Variants in AGAP1 observed in about 807,000 individuals in gnomAD.
AGAP1 encodes the protein arf-GAP with GTPase, ANK repeat and PH domain-containing protein 1.
Under a neutral mutation model 105.3 loss-of-function variants are expected in AGAP1, and 29 were observed. That is an observed-to-expected ratio of 0.28 (90% CI 0.21 to 0.38). The LOEUF is 0.38. Among genes scored for constraint, AGAP1 ranks in the 10% least tolerant of loss-of-function variants. AGAP1 has a pLI of 1.00. For synonymous variants in AGAP1, 509 were observed against 485.9 expected, an observed-to-expected ratio of 1.05 and a Z score of -0.63; for missense variants, 998 against 1,165.1, an observed-to-expected ratio of 0.86 and a Z score of 2.09.
Position 235,893,350 on chromosome 2 carries a change from TGGGTGTGCCGTGTCCATCATAG to T in AGAP1, c.1155+9910_1155+9931del, listed in dbSNP as rs2050640866. 6.9e-6 allele frequency among the ~76,000 whole-genome samples: 1 copy of T among 145,922 alleles called. No homozygotes were observed. The highest frequency in any genetic ancestry group is 6.8e-5 in the Admixed American group (1 of 14,748). ...GCATGGGTGTGGCTTGTCTGTGGTG[TGGGTGTGCCGTGTCCATCATAG>T]GGGTGTGCTGTGTCTGTGGCGTGGG... On this transcript the variant is annotated intron_variant, in intron 10 of 17. Coordinates refer to ENST00000304032, the MANE Select transcript of AGAP1 (RefSeq NM_001037131.3). This position sits in a 1 kb window ranked among gnomAD's most constrained non-coding sequence, Gnocchi z 4.7.
intron 1 of AGAP1, among the ~76,000 whole-genome samples, chr2:235,684,265 C>A (rs138374837): frequency 6.6e-6 from 1 of 152,004 alleles, no homozygotes; most frequent in Non-Finnish European, 1.5e-5. Flanking sequence ...AGGATGGTCT[C>A]GATCTCCTGA....
rs2056845417 is a variant in AGAP1 at position 236,020,387 on chromosome 2, A to G, written c.1646-16174A>G. ...CCATGAAGCATAGGGGGGAATTTAG[A>G]AATGAAACTTAACCTGTTATCTAGA... On this transcript the variant is annotated intron_variant, in intron 13 of 17. Transcript: ENST00000304032. The surrounding 1 kb of genome is among the most constrained non-coding windows in gnomAD (Gnocchi z 5.0). Among the ~76,000 whole-genome samples, 1 of 152,212 alleles carries G rather than the reference A, an allele frequency of 6.6e-6. No homozygotes were observed. Among genetic ancestry groups the G allele is most frequent in the East Asian group, 1.9e-4 (1 of 5,194 alleles).
chr2:235,773,595 T>C (rs1215858774), intron 6 of AGAP1, among the ~76,000 whole-genome samples: 1 of 152,204 alleles, frequency 6.6e-6, no homozygotes, highest in African/African-American at 2.4e-5. Flanking sequence ...GAAGTCAGCG[T>C]GAATCGGCCT....
Position 235,807,293 on chromosome 2 carries a change from G to T in AGAP1, c.1012G>T (p.Asp338Tyr). ...GAAGAAAGGCCTGGAGAGTCGTGCG[G>T]ACAGCATTGGGAGCGGCCGAGCCAT... is the stretch of plus-strand genomic sequence containing the variant. ...KEKKGLESRA[D>Y]SIGSGRAIPI... Residue 338 changes from aspartate to tyrosine, a missense_variant, in exon 9 of 18, where the codon GAC (aspartate) becomes TAC (tyrosine). This residue lies in a region of AGAP1 where 735 missense variants were observed against 833.4 expected (regional missense o/e 0.88). Coordinates refer to ENST00000304032, the MANE Select transcript of AGAP1 (RefSeq NM_001037131.3). 1 of 1,605,458 alleles carries T rather than the reference G, an allele frequency of 6.2e-7. No homozygotes were observed. The highest frequency in any genetic ancestry group is 8.5e-7 in the Non-Finnish European group (1 of 1,177,792).
At chr2:235,797,998 A>G (rs989657526) in intron 7 of AGAP1, 112 bp downstream of exon 7, 176 of 1,334,400 alleles carry the variant, frequency 1.3e-4, no homozygotes, top group Non-Finnish European at 2.7e-5. Context: ...TTTATAAGTA[A>G]CAGCATGTTG....
intron 1 of AGAP1, among the ~76,000 whole-genome samples, chr2:235,619,309 A>C (rs190269976): frequency 1.0e-3 from 152 of 152,144 alleles, no homozygotes; most frequent in Non-Finnish European, 1.3e-3. Flanking sequence ...CCGAGTTCAC[A>C]TCATGAAGTG....
In AGAP1 at chr2:235,971,698, A is replaced by G. The variant is rs1476325105; in HGVS notation, c.1645+3075A>G. On this transcript the variant is annotated intron_variant, in intron 13 of 17. Coordinates refer to ENST00000304032, the MANE Select transcript of AGAP1 (RefSeq NM_001037131.3). This position sits in a 1 kb window ranked among gnomAD's most constrained non-coding sequence, Gnocchi z 4.8. ...GAGTGAGACTCCGTCTCAAAAAAAA[A>G]AAAAATCTGTTCTTGAAACTAAAGC... 6.6e-6 allele frequency among the ~76,000 whole-genome samples: 1 copy of G among 151,810 alleles called. No individual in the cohort carries two copies. Among genetic ancestry groups the G allele is most frequent in the Non-Finnish European group, 1.5e-5 (1 of 67,970 alleles).
rs1167136293 is a variant in AGAP1 at position 235,689,905 on chromosome 2, A to G, written c.164-19274A>G. On this transcript the variant is annotated intron_variant, in intron 1 of 17. Transcript: ENST00000304032. This position sits in a 1 kb window ranked among gnomAD's most constrained non-coding sequence, Gnocchi z 4.2. Reference sequence around the variant, plus strand: ...GTGCATGATGCACTTCAGAACCTATAGTGTCATTTGTGGTATTTTTTTTTT... The same window carrying G: ...GTGCATGATGCACTTCAGAACCTATGGTGTCATTTGTGGTATTTTTTTTTT... Among the ~76,000 whole-genome samples, 3 of 151,860 alleles carry G rather than the reference A, an allele frequency of 2.0e-5. No homozygotes were observed. Among genetic ancestry groups the G allele is most frequent in the Non-Finnish European group, 4.4e-5 (3 of 68,006 alleles).
chr2:235,808,175 T>C (rs1957940961), intron 9 of AGAP1, among the ~76,000 whole-genome samples: 1 of 152,340 alleles, frequency 6.6e-6, no homozygotes, highest in East Asian at 1.9e-4. Context: ...AGAAAGCCAA[T>C]TGATTTAGAG....
chr2:236,109,633 G>A lies in AGAP1; in HGVS notation c.2115-10559G>A, dbSNP rs115335196. On this transcript the variant is annotated intron_variant, in intron 16 of 17. Transcript: ENST00000304032. This position sits in a 1 kb window ranked among gnomAD's most constrained non-coding sequence, Gnocchi z 5.4. ...GGCAGCAGTGTCGGTGTTCTAGACC[G>A]GCAGCCGTGGGAACGTCCTAGTCGG... is the stretch of plus-strand genomic sequence containing the variant. Among the ~76,000 whole-genome samples the A allele has an allele frequency of 8.6e-4, 130 of 150,770 alleles. No homozygotes were observed. Among genetic ancestry groups the A allele is most frequent in the African/African-American group, 2.9e-3 (120 of 41,100 alleles).
chr2:235,545,837 A>G (rs1217277092), intron 1 of AGAP1, among the ~76,000 whole-genome samples: 1 of 152,184 alleles, frequency 6.6e-6, no homozygotes, highest in Non-Finnish European at 1.5e-5. Flanking sequence ...CAGGACCACC[A>G]TCCACACACC....
chr2:235,999,525 GTGA>G (rs1274374361), intron 13 of AGAP1, among the ~76,000 whole-genome samples: 70 of 150,568 alleles, frequency 4.6e-4, no homozygotes, highest in African/African-American at 1.4e-3. Context: ...GGTGGTGGTG[GTGA>G]TGATGATGAT....
rs1208883164 is a variant in AGAP1 at position 235,887,984 on chromosome 2, C to G, written c.1155+4535C>G. 6.6e-6 allele frequency among the ~76,000 whole-genome samples: 1 copy of G among 152,202 alleles called. No individual in the cohort carries two copies. Among genetic ancestry groups the G allele is most frequent in the Non-Finnish European group, 1.5e-5 (1 of 68,040 alleles). On this transcript the variant is annotated intron_variant, in intron 10 of 17. Coordinates refer to ENST00000304032, the MANE Select transcript of AGAP1 (RefSeq NM_001037131.3). This position sits in a 1 kb window ranked among gnomAD's most constrained non-coding sequence, Gnocchi z 4.1. Reference sequence around the variant, plus strand: ...GCGCTTGCTCGTGGTGGTGAGGCCTCTCCCTTCCGGCACAGACATTTATCT... The same window carrying G: ...GCGCTTGCTCGTGGTGGTGAGGCCTGTCCCTTCCGGCACAGACATTTATCT...
Position 235,586,709 on chromosome 2 carries a change from G to A in AGAP1, c.163+91860G>A, listed in dbSNP as rs1303588224. 6.6e-6 allele frequency among the ~76,000 whole-genome samples: 1 copy of A among 152,208 alleles called. No homozygotes were observed. Among genetic ancestry groups the A allele is most frequent in the Non-Finnish European group, 1.5e-5 (1 of 68,042 alleles). On this transcript the variant is annotated intron_variant, in intron 1 of 17. Transcript: ENST00000304032. The surrounding 1 kb of genome is among the most constrained non-coding windows in gnomAD (Gnocchi z 4.2). ...CTGCCCCGTACAGTACGGCTTCTAT[G>A]TGTGAACAACACAGACCACTAAGAG... is the stretch of plus-strand genomic sequence containing the variant.
chr2:235,707,934 A>T (rs1344234090), intron 1 of AGAP1, among the ~76,000 whole-genome samples: 1 of 133,714 alleles, frequency 7.5e-6, no homozygotes, highest in African/African-American at 2.8e-5. Flanking sequence ...TGTGCTTCCC[A>T]ATCATGTGAC....
At chr2:235,896,446 G>A (rs2050810835) in intron 10 of AGAP1, among the ~76,000 whole-genome samples, 1 of 152,224 alleles carries the variant, frequency 6.6e-6, no homozygotes, top group African/African-American at 2.4e-5. Flanking sequence ...TGTAAAAACT[G>A]TAACATGGGA....
chr2:235,543,418 C>A (rs1450723907), intron 1 of AGAP1, among the ~76,000 whole-genome samples: 2 of 151,732 alleles, frequency 1.3e-5, no homozygotes, highest in African/African-American at 4.9e-5. Context: ...GGGCTGTGTC[C>A]CCGTGTACGG....
rs1444913267 is a variant in AGAP1 at position 236,068,756 on chromosome 2, C to T, written c.2114+19475C>T. On this transcript the variant is annotated intron_variant, in intron 16 of 17. Coordinates refer to ENST00000304032, the MANE Select transcript of AGAP1 (RefSeq NM_001037131.3). ...CAGAGCTTGCAGTGAGCCAAGATCG[C>T]GCCACTGCACTCCAGCCTGGGCGAC... Among the ~76,000 whole-genome samples, 21 of 143,322 alleles carry T rather than the reference C, an allele frequency of 1.5e-4. No individual in the cohort carries two copies. In the East Asian group the frequency reaches 3.7e-3, roughly 25 times the overall value. The allele number at this position is 143,322 out of a possible 152,430, so 94.0% of individuals were successfully genotyped here. A position where few individuals can be genotyped will look rare whatever the true frequency, so the allele number is the denominator to read the frequency against.
intron 9 of AGAP1, among the ~76,000 whole-genome samples, chr2:235,851,659 A>T (rs1415577735): frequency 6.6e-6 from 1 of 152,106 alleles, no homozygotes; most frequent in Non-Finnish European, 1.5e-5. Context: ...TGAACCCAGA[A>T]CACCCGGAAA....
Sources: gnomAD v4.1 joint callset for allele counts (sites outside exome capture counted in the v4.1 genomes callset) on GRCh38, gnomAD v4.1.1 for gene constraint, gnomAD v4.1.1 regional missense constraint, Gnocchi (gnomAD v3.1) non-coding constraint, MANE v1.5 for transcripts, NCBI Gene and HGNC (gene_info 2026-07-23, HGNC 2026-07-21) for gene names.